Variants in ILDR2 observed in about 807,000 individuals in gnomAD.
ILDR2 encodes immunoglobulin-like domain-containing receptor 2.
A neutral mutation model predicts 66.8 loss-of-function variants in ILDR2; 25 were observed. The ratio of observed to expected loss-of-function variants is 0.37; its 90% CI spans 0.27 to 0.52. The LOEUF (loss-of-function observed/expected upper bound fraction) is 0.52, where lower values mean the gene tolerates loss of function less well. Among genes scored for constraint, ILDR2 ranks in the 20% least tolerant of loss-of-function variants. The pLI, the probability that ILDR2 is intolerant of heterozygous loss-of-function variation, is 0.88. For synonymous variants in ILDR2, 367 were observed against 357.2 expected, an observed-to-expected ratio of 1.03 and a Z score of -0.31; for missense variants, 827 against 876.8, an observed-to-expected ratio of 0.94 and a Z score of 0.72.
Position 166,921,211 on chromosome 1 carries a change from C to A in ILDR2, c.1380G>T (p.Ser460=). ...EARGGSRFER[S]ESRAHSGFYQ... is the part of the protein sequence containing the mutation. ...AGAAGCCGCTGTGCGCCCGCGACTCCGAGCGCTCGAAGCGGCTCCCGCCCC... is the reference window on the plus strand; with the variant it reads ...AGAAGCCGCTGTGCGCCCGCGACTCAGAGCGCTCGAAGCGGCTCCCGCCCC... Residue 460 remains serine (S), a synonymous_variant, in exon 9 of 10, where the codon TCG becomes TCT. Coordinates refer to ENST00000271417, the MANE Select transcript of ILDR2 (RefSeq NM_199351.3). The surrounding 1 kb of genome is among the most constrained non-coding windows in gnomAD (Gnocchi z 5.3). 6.3e-7 allele frequency: 1 copy of A among 1,588,860 alleles called. No homozygotes were observed. Among genetic ancestry groups the A allele is most frequent in the East Asian group, 2.3e-5 (1 of 44,246 alleles).
At chr1:166,931,801 C>A (rs1340835760) in intron 6 of ILDR2, among the ~76,000 whole-genome samples, 1 of 152,090 alleles carries the variant, frequency 6.6e-6, no homozygotes, top group African/African-American at 2.4e-5. Context: ...CTGGTTTGGG[C>A]TAAAAGGTGG....
Position 166,939,367 on chromosome 1 carries a change from C to A in ILDR2, c.556+147G>T, listed in dbSNP as rs561441405. 417 of 657,696 alleles carry A rather than the reference C, an allele frequency of 6.3e-4. 4 individuals carry two copies. The highest frequency in any genetic ancestry group is 5.1e-4 in the Admixed American group (20 of 39,304). 40.7% of individuals were successfully genotyped at this position (657,696 alleles called of 1,614,324 possible). A position where few individuals can be genotyped will look rare whatever the true frequency, so the allele number is the denominator to read the frequency against. ...GAAGGAATGCAATTTAAAAGCCCTT[C>A]CAATGGGTTTAGTTAATCCTGGAAA... is the stretch of plus-strand genomic sequence containing the variant. On this transcript the variant is annotated intron_variant, in intron 4 of 9. Transcript: ENST00000271417.
At chr1:166,942,801 C>G (rs780174702) in intron 3 of ILDR2, among the ~76,000 whole-genome samples, 3 of 152,124 alleles carry the variant, frequency 2.0e-5, no homozygotes, top group African/African-American at 7.2e-5. Context: ...AATTGCTAGC[C>G]CTTCTTATTT....
Position 166,921,291 on chromosome 1 carries a change from C to G in ILDR2, c.1300G>C (p.Ala434Pro). 1 of 1,597,536 alleles carries G rather than the reference C, an allele frequency of 6.3e-7. No individual in the cohort carries two copies. The change falls in exon 9 of 10, where the codon GCT (alanine) becomes CCT (proline). Residue 434 changes from alanine to proline, a missense_variant. Physicochemically the swap from Ala to Pro is conservative, Grantham distance 27 (BLOSUM62 -1). Transcript: ENST00000271417. The surrounding 1 kb of genome is among the most constrained non-coding windows in gnomAD (Gnocchi z 5.3). ...AVSMDELAAF[A>P]DSYGQRPRRA... ...CGGGGCCGCTGGCCGTAGGAGTCAG[C>G]GAAGGCCGCCAGCTCGTCCATGGAA... is the stretch of plus-strand genomic sequence containing the variant.
At chr1:166,923,308 T>C (rs1400302010) in intron 7 of ILDR2, among the ~76,000 whole-genome samples, 1 of 152,214 alleles carries the variant, frequency 6.6e-6, no homozygotes, top group Non-Finnish European at 1.5e-5. Flanking sequence ...TGCCATATGC[T>C]GTAGAGGCAC....
chr1:166,958,663 C>G (rs902022638), intron 1 of ILDR2, among the ~76,000 whole-genome samples: 1 of 152,164 alleles, frequency 6.6e-6, no homozygotes, highest in African/African-American at 2.4e-5. Flanking sequence ...CTCCCTATAT[C>G]CAGTCACGCA....
chr1:166,941,507 T>C (rs1661310584), intron 3 of ILDR2, among the ~76,000 whole-genome samples: 1 of 152,138 alleles, frequency 6.6e-6, no homozygotes, highest in Admixed American at 6.5e-5. Context: ...AAAATATCTC[T>C]CGGAAACTCA....
At chr1:166,947,068 T>TA (rs1320524722) in intron 3 of ILDR2, among the ~76,000 whole-genome samples, 1 of 152,286 alleles carries the variant, frequency 6.6e-6, no homozygotes, top group East Asian at 1.9e-4. Flanking sequence ...CACAAAGTGC[T>TA]ATAGTGATTC....
intron 7 of ILDR2, among the ~76,000 whole-genome samples, chr1:166,926,621 A>C (rs1660312179): frequency 6.6e-6 from 1 of 151,966 alleles, no homozygotes; most frequent in African/African-American, 2.4e-5. Flanking sequence ...CCACATCTTA[A>C]GACATTACTT....
At chr1:166,903,025 G>T (rs149972850) in intron 2 of ILDR2, among the ~76,000 whole-genome samples, 1 of 151,554 alleles carries the variant, frequency 6.6e-6, no homozygotes, top group Non-Finnish European at 1.5e-5. Flanking sequence ...TTATTCCATT[G>T]TCCCCCACAC....
chr1:166,929,686 G>A (rs1660517726), intron 6 of ILDR2, among the ~76,000 whole-genome samples: 1 of 152,176 alleles, frequency 6.6e-6, no homozygotes, highest in African/African-American at 2.4e-5. Context: ...ATAGAGCCTG[G>A]CACATTGTAG....
chr1:166,968,495 G>T (rs1030941278), intron 1 of ILDR2, among the ~76,000 whole-genome samples: 1 of 152,116 alleles, frequency 6.6e-6, no homozygotes, highest in African/African-American at 2.4e-5. Context: ...TCTAAAGACT[G>T]ATACATGGTA....
chr1:166,953,310 A>G (rs981850769), intron 3 of ILDR2, among the ~76,000 whole-genome samples: 1 of 152,184 alleles, frequency 6.6e-6, no homozygotes, highest in African/African-American at 2.4e-5. Flanking sequence ...AAGTCTTCAG[A>G]ATCTAGTCCA....
At chr1:166,931,946 T>G (rs151089115) in intron 6 of ILDR2, among the ~76,000 whole-genome samples, 4 of 152,086 alleles carry the variant, frequency 2.6e-5, no homozygotes, top group African/African-American at 7.2e-5. Context: ...CAGAAGACAG[T>G]TGGATATACG....
chr1:166,962,201 C>T (rs1327579239), intron 1 of ILDR2, among the ~76,000 whole-genome samples: 1 of 152,216 alleles, frequency 6.6e-6, no homozygotes, highest in South Asian at 2.1e-4. Context: ...CCCATTCCCA[C>T]TGGAGGGTAG....
chr1:166,963,346 T>C (rs1662737248), intron 1 of ILDR2, among the ~76,000 whole-genome samples: 1 of 152,242 alleles, frequency 6.6e-6, no homozygotes, highest in Non-Finnish European at 1.5e-5. Context: ...AAAGTAGGCA[T>C]TGTTATTACA....
intron 3 of ILDR2, chr1:166,944,026 C>T (rs1252149406): frequency 6.0e-6 from 1 of 165,676 alleles, no homozygotes; most frequent in African/African-American, 2.4e-5. Context: ...ACGAATCAGG[C>T]ATACTAATAC....
chr1:166,919,494 C>T, intron 9 of ILDR2, 104 bp from the exon 10 acceptor site: 2 of 995,450 alleles, frequency 2.0e-6, no homozygotes, highest in Non-Finnish European at 3.0e-6. Context: ...CGTTCAGTGC[C>T]AGGCACCCCT....
At chr1:166,922,031 A>AG (rs1659979866) in intron 8 of ILDR2, among the ~76,000 whole-genome samples, 1 of 152,198 alleles carries the variant, frequency 6.6e-6, no homozygotes, top group South Asian at 2.1e-4. Flanking sequence ...AGCTTAAAAT[A>AG]GGGGCATTAA....
Sources: allele counts gnomAD v4.1 joint callset (sites outside exome capture counted in the v4.1 genomes callset), GRCh38; gene constraint gnomAD v4.1.1; non-coding constraint Gnocchi (gnomAD v3.1); transcripts MANE v1.5; gene names NCBI Gene and HGNC (gene_info 2026-07-23, HGNC 2026-07-21).